TBC1D30: variants seen among roughly 807,000 people sequenced by gnomAD.
TBC1D30 encodes the protein TBC1 domain family member 30.
TBC1D30 carries 31 observed loss-of-function variants against 63.2 expected under a neutral mutation model. The observed-to-expected ratio is 0.49, with a 90% confidence interval of 0.37 to 0.66. The LOEUF is 0.66. Ranked by LOEUF, TBC1D30 falls within the 30% of genes least tolerant of loss-of-function variation. The probability of loss-of-function intolerance (pLI) is 0.00; values close to 1 mark genes in which losing one functional copy is unlikely to be tolerated. For missense variants in TBC1D30, 810 were observed against 953.6 expected (o/e 0.85, Z 1.98); for synonymous variants, 307 against 361.5 (o/e 0.85, Z 1.71).
rs905572322 is a variant in TBC1D30, at chr12:64,875,956, C to T, written c.*168C>T. The T allele has an allele frequency of 2.9e-5, 18 of 629,874 alleles. No individual in the cohort carries two copies. The highest frequency in any genetic ancestry group is 4.6e-5 in the Non-Finnish European group (18 of 394,688). 39.0% of individuals were successfully genotyped at this position (629,874 alleles called of 1,614,324 possible). ...GGAAGTTTTATAATAGGAGTTAGAA[C>T]AGGGCTGTTTTCCCAGCTACTTGCT... On this transcript the variant is annotated 3_prime_UTR_variant, in exon 12 of 12. Transcript: ENST00000539867.
In TBC1D30 at chr12:64,875,603, G is replaced by A. The variant is rs1014359596; in HGVS notation, c.2101G>A (p.Gly701Ser). 5.9e-6 allele frequency: 9 copies of A among 1,536,202 alleles called. No homozygotes were observed. The highest frequency in any genetic ancestry group is 2.4e-5 in the East Asian group (1 of 40,914). ...ENKATSKAPQGSNSKTPIFSP... is the reference protein window; with the variant it reads ...ENKATSKAPQSSNSKTPIFSP... Reference sequence around the variant, plus strand: ...CAAAGCCACCAGCAAAGCTCCCCAAGGCAGCAACTCAAAAACCCCCATCTT... The same window carrying A: ...CAAAGCCACCAGCAAAGCTCCCCAAAGCAGCAACTCAAAAACCCCCATCTT... Residue 701 changes from glycine (G) to serine (S), a missense_variant, in exon 12 of 12, where the codon GGC (glycine) becomes AGC (serine). Gly to Ser is a moderately conservative substitution (Grantham distance 56). This residue lies in a region of TBC1D30 where 450 missense variants were observed against 473.0 expected (regional missense o/e 0.95). Transcript: ENST00000539867.
At chr12:64,792,817 A>G (rs7963960) in intron 2 of TBC1D30, among the ~76,000 whole-genome samples, 105,061 of 152,064 alleles carry the variant, frequency 0.69, 37,754 homozygotes, top group African/African-American at 0.9. Flanking sequence ...CAAATGATGC[A>G]CCTGCCTTGG....
chr12:64,763,957 C>T (rs1411217404), intron 1 of TBC1D30, among the ~76,000 whole-genome samples: 1 of 152,144 alleles, frequency 6.6e-6, no homozygotes, highest in African/African-American at 2.4e-5. Context: ...AAAGAGCATG[C>T]AGCCCTTTTT....
intron 2 of TBC1D30, among the ~76,000 whole-genome samples, chr12:64,802,304 C>G (rs1392536387): frequency 6.6e-6 from 1 of 151,938 alleles, no homozygotes; most frequent in African/African-American, 2.4e-5. Context: ...TCCCTGGGCA[C>G]CTTGTTTTGT....
intron 10 of TBC1D30, among the ~76,000 whole-genome samples, chr12:64,869,849 C>A (rs1878515771): frequency 6.6e-6 from 1 of 152,144 alleles, no homozygotes; most frequent in Non-Finnish European, 1.5e-5. Flanking sequence ...TAGTTGGAGT[C>A]TCTCAGTCTT....
intron 4 of TBC1D30, among the ~76,000 whole-genome samples, chr12:64,831,874 G>A (rs1434454020): frequency 2.0e-5 from 3 of 152,034 alleles, no homozygotes; most frequent in Non-Finnish European, 2.9e-5. Context: ...TCCTGGAAAC[G>A]TTTTAAGTTG....
At chr12:64,859,043 T>A (rs765561383) in intron 8 of TBC1D30, among the ~76,000 whole-genome samples, 1 of 151,708 alleles carries the variant, frequency 6.6e-6, no homozygotes, top group Non-Finnish European at 1.5e-5. Context: ...TGTGTGTGTC[T>A]GTGTGTCTGT....
chr12:64,830,189 G>A (rs1309748899), intron 3 of TBC1D30, among the ~76,000 whole-genome samples, 188 bp from the exon 4 acceptor site: 2 of 152,114 alleles, frequency 1.3e-5, no homozygotes, highest in African/African-American at 2.4e-5. Context: ...TAAATGAAAG[G>A]CCCTAAATGG....
chr12:64,827,027 T>C (rs950175083), intron 1 of TBC1D30, among the ~76,000 whole-genome samples: 1 of 152,250 alleles, frequency 6.6e-6, no homozygotes, highest in African/African-American at 2.4e-5. Context: ...AAGTTTTTAG[T>C]ACACCTAATC....
At chr12:64,849,718 G>A (rs1876699791) in intron 8 of TBC1D30, among the ~76,000 whole-genome samples, 2 of 152,122 alleles carry the variant, frequency 1.3e-5, no homozygotes, top group African/African-American at 4.8e-5. Context: ...GATGCCTCAA[G>A]CTTGTTCTTT....
intron 2 of TBC1D30, chr12:64,786,142 T>C: frequency 1.1e-6 from 1 of 951,110 alleles, no homozygotes; most frequent in Non-Finnish European, 1.4e-6. Context: ...ATTGAGAAGT[T>C]TTAAATGCAA....
chr12:64,803,666 A>T (rs2136319891), intron 2 of TBC1D30, among the ~76,000 whole-genome samples: 1 of 152,248 alleles, frequency 6.6e-6, no homozygotes, highest in Admixed American at 6.5e-5. Context: ...ATCTTGAATT[A>T]ATTTTTGTAT....
chr12:64,772,340 C>T (rs144058202), intron 1 of TBC1D30, among the ~76,000 whole-genome samples: 364 of 151,640 alleles, frequency 2.4e-3, no homozygotes, highest in African/African-American at 8.4e-3. Context: ...AGGCACTAGA[C>T]AACCAATTAG....
intron 8 of TBC1D30, among the ~76,000 whole-genome samples, chr12:64,858,925 G>A (rs762220005): frequency 6.6e-6 from 1 of 152,082 alleles, no homozygotes; most frequent in East Asian, 1.9e-4. Context: ...GAGGGGCAGG[G>A]GTGGAGTGAG....
At chr12:64,862,030 G>A (rs1877838168) in intron 8 of TBC1D30, among the ~76,000 whole-genome samples, 2 of 152,310 alleles carry the variant, frequency 1.3e-5, no homozygotes, top group Admixed American at 6.5e-5. Flanking sequence ...TTGTGCCTTT[G>A]TGGCCATCTG....
At chr12:64,764,629 CAG>C (rs952241265) in intron 1 of TBC1D30, among the ~76,000 whole-genome samples, 3 of 152,160 alleles carry the variant, frequency 2.0e-5, no homozygotes, top group African/African-American at 7.2e-5. Context: ...CATTCTGAAC[CAG>C]AGAGCAGGAA....
At chr12:64,792,173 G>T (rs1343353241) in intron 2 of TBC1D30, among the ~76,000 whole-genome samples, 1 of 152,082 alleles carries the variant, frequency 6.6e-6, no homozygotes. Context: ...ATTTTTTAAA[G>T]AATAAGTAAA....
At chr12:64,816,817 C>T (rs928527600) in intron 2 of TBC1D30, among the ~76,000 whole-genome samples, 7 of 149,586 alleles carry the variant, frequency 4.7e-5, no homozygotes, top group African/African-American at 1.7e-4. Context: ...TCCCTTCCTG[C>T]CTTTCTTCTT....
chr12:64,826,850 T>A (rs1025445340), intron 1 of TBC1D30, among the ~76,000 whole-genome samples: 1 of 152,192 alleles, frequency 6.6e-6, no homozygotes, highest in African/African-American at 2.4e-5. Context: ...AACACCTGCA[T>A]ACTGATATGG....
Sources: gnomAD v4.1 joint callset for allele counts (sites outside exome capture counted in the v4.1 genomes callset) on GRCh38, gnomAD v4.1.1 for gene constraint, gnomAD v4.1.1 regional missense constraint, MANE v1.5 for transcripts, NCBI Gene and HGNC (gene_info 2026-07-23, HGNC 2026-07-21) for gene names.